The following TRIM26 variants were observed in gnomAD, a reference collection of about 807,000 sequenced individuals.
The protein encoded by TRIM26 is tripartite motif containing 26, also known as tripartite motif-containing protein 26.
Under a neutral mutation model 45.5 loss-of-function variants are expected in TRIM26, and 16 were observed. The observed-to-expected ratio is 0.35, with a 90% CI of 0.24 to 0.53. The LOEUF (loss-of-function observed/expected upper bound fraction) is 0.53. Ranked by LOEUF, TRIM26 falls within the 20% of genes least tolerant of loss-of-function variation. The pLI is 0.92. For synonymous variants in TRIM26, 273 were observed against 290.4 expected (o/e 0.94, Z 0.61); for missense variants, 442 against 691.1 (o/e 0.64, Z 4.04).
chr6:30,208,709 C>A (rs1777967722), intron 1 of TRIM26, among the ~76,000 whole-genome samples: 1 of 152,092 alleles, frequency 6.6e-6, no homozygotes, highest in African/African-American at 2.4e-5. Context: ...GTGAATATTT[C>A]TGCATACATG....
Position 30,190,433 on chromosome 6 carries a change from C to T in TRIM26, c.766-398G>A, listed in dbSNP as rs1164468651. 5 of 248,998 alleles carry T rather than the reference C, an allele frequency of 2.0e-5. No individual in the cohort carries two copies. Among genetic ancestry groups the T allele is most frequent in the African/African-American group, 1.1e-4 (5 of 45,788 alleles). 15.4% of individuals were successfully genotyped at this position (248,998 alleles called of 1,614,324 possible). A position where few individuals can be genotyped will look rare whatever the true frequency, so the allele number is the denominator to read the frequency against. On this transcript the variant is annotated intron_variant, in intron 6 of 9. Coordinates refer to ENST00000454678, the MANE Select transcript of TRIM26 (RefSeq NM_003449.5). This position sits in a 1 kb window ranked among gnomAD's most constrained non-coding sequence, Gnocchi z 4.3. ...CTTTTGCTCCACGTACAGTGGAAAC[C>T]CACCAAGGGTTTCAAGTAGGGGCAT...
Position 30,186,533 on chromosome 6 carries a change from C to G in TRIM26, c.963G>C (p.Ser321=). The stretch of plus-strand genomic sequence containing the variant: ...CTGACAGCTGCAGGTACCCACTGGC[C>G]GACTGTGGGTCCAGGGTGACGCTCA... ...KTVSVTLDPQ[S]ASGYLQLSED... The change falls in exon 10 of 10, where the codon TCG becomes TCC. Residue 321 remains serine, a synonymous_variant. Transcript: ENST00000454678. The surrounding 1 kb of genome is among the most constrained non-coding windows in gnomAD (Gnocchi z 7.4). 2 of 1,519,586 alleles carry G rather than the reference C, an allele frequency of 1.3e-6. No individual in the cohort carries two copies. Among genetic ancestry groups the G allele is most frequent in the Non-Finnish European group, 8.8e-7 (1 of 1,137,196 alleles). The allele number at this position is 1,519,586 out of a possible 1,614,324, so 94.1% of individuals were successfully genotyped here. A position where few individuals can be genotyped will look rare whatever the true frequency, so the allele number is the denominator to read the frequency against.
Position 30,190,295 on chromosome 6 carries a change from C to T in TRIM26, c.766-260G>A, listed in dbSNP as rs774766836. Reference sequence around the variant, plus strand: ...GGGAGATACCTGCGCAGAGAATTGACGGATAAGAAGTACTGGCCGGATGAA... The same window carrying T: ...GGGAGATACCTGCGCAGAGAATTGATGGATAAGAAGTACTGGCCGGATGAA... On this transcript the variant is annotated intron_variant, in intron 6 of 9. Transcript: ENST00000454678. This position sits in a 1 kb window ranked among gnomAD's most constrained non-coding sequence, Gnocchi z 4.3. 39 of 573,278 alleles carry T rather than the reference C, an allele frequency of 6.8e-5. 1 individual carries two copies. The highest frequency in any genetic ancestry group is 1.1e-4 in the Non-Finnish European group (34 of 321,600). 35.5% of individuals were successfully genotyped at this position (573,278 alleles called of 1,614,324 possible). A position where few individuals can be genotyped will look rare whatever the true frequency, so the allele number is the denominator to read the frequency against.
At chr6:30,206,499 G>A (rs1777739822) in intron 1 of TRIM26, among the ~76,000 whole-genome samples, 1 of 152,252 alleles carries the variant, frequency 6.6e-6, no homozygotes, top group South Asian at 2.1e-4. Context: ...AATTGCCCTG[G>A]TCTTGTGGCT....
In TRIM26 at chr6:30,204,780, A is replaced by G. The variant is rs1777555144; in HGVS notation, c.-375-15T>C. On this transcript the variant is annotated splice_polypyrimidine_tract_variant and intron_variant, in intron 1 of 9. Coordinates refer to ENST00000454678, the MANE Select transcript of TRIM26 (RefSeq NM_003449.5). ...ATTCCTGACTCCTGGGCAGACAGAA[A>G]CCAAAATCAGAGCCAAAAAAAAAAA... 6.8e-6 allele frequency: 1 copy of G among 146,962 alleles called. No homozygotes were observed. Among genetic ancestry groups the G allele is most frequent in the Non-Finnish European group, 1.5e-5 (1 of 66,982 alleles). 9.1% of individuals were successfully genotyped at this position (146,962 alleles called of 1,614,324 possible).
intron 1 of TRIM26, among the ~76,000 whole-genome samples, chr6:30,212,110 G>A (rs1778346421): frequency 1.3e-5 from 2 of 152,176 alleles, no homozygotes; most frequent in South Asian, 4.1e-4. Context: ...GATACGATGG[G>A]ATGATAATGG....
At chr6:30,197,088 G>C (rs1195565674) in intron 5 of TRIM26, among the ~76,000 whole-genome samples, 1 of 152,008 alleles carries the variant, frequency 6.6e-6, no homozygotes, top group African/African-American at 2.4e-5. Flanking sequence ...TTTCCCTCCT[G>C]GACAAAATCT....
chr6:30,211,979 T>C (rs143194635), intron 1 of TRIM26, among the ~76,000 whole-genome samples: 13 of 152,346 alleles, frequency 8.5e-5, no homozygotes, highest in African/African-American at 2.4e-4. Context: ...GTGACTTCCT[T>C]CTAAAGAGGA....
At chr6:30,199,677 C>A (rs1294634621) in intron 3 of TRIM26, among the ~76,000 whole-genome samples, 2 of 150,516 alleles carry the variant, frequency 1.3e-5, no homozygotes, top group Non-Finnish European at 3.0e-5. Flanking sequence ...TACTCTGTCG[C>A]CCAGGCTGGA....
Position 30,198,368 on chromosome 6 carries a change from A to C in TRIM26, c.534+61T>G. The C allele has an allele frequency of 1.9e-6, 3 of 1,590,112 alleles. No homozygotes were observed. The highest frequency in any genetic ancestry group is 1.7e-5 in the Admixed American group (1 of 59,568). On this transcript the variant is annotated intron_variant, in intron 5 of 9. Transcript: ENST00000454678. This position sits in a 1 kb window ranked among gnomAD's most constrained non-coding sequence, Gnocchi z 6.3. ...CCTCCCAGCTGCCGCCTACTTGCCC[A>C]GGCTCACCCTGCCCTACACGGGCGC...
At chr6:30,210,982 A>G (rs1778231269) in intron 1 of TRIM26, among the ~76,000 whole-genome samples, 2 of 152,192 alleles carry the variant, frequency 1.3e-5, no homozygotes, top group Non-Finnish European at 2.9e-5. Flanking sequence ...GCTGTAATTG[A>G]TATTTTTATC....
At position 30,190,125 on chromosome 6, in the gene TRIM26, A is replaced by G. The variant is rs1775668848; in HGVS notation, c.766-90T>C. 7 of 1,408,118 alleles carry G rather than the reference A, an allele frequency of 5.0e-6. No homozygotes were observed. Among genetic ancestry groups the G allele is most frequent in the South Asian group, 2.4e-5 (2 of 84,562 alleles). 87.2% of individuals were successfully genotyped at this position (1,408,118 alleles called of 1,614,324 possible). A position where few individuals can be genotyped will look rare whatever the true frequency, so the allele number is the denominator to read the frequency against. ...CCCAACACTGTAGCAGAGATGGGAC[A>G]TATCAGTGAACAAAACAAATGTGGT... On this transcript the variant is annotated intron_variant, in intron 6 of 9. Transcript: ENST00000454678. The surrounding 1 kb of genome is among the most constrained non-coding windows in gnomAD (Gnocchi z 4.3).
intron 6 of TRIM26, among the ~76,000 whole-genome samples, chr6:30,192,797 T>A (rs1230470653): frequency 6.6e-6 from 1 of 152,030 alleles, no homozygotes; most frequent in Non-Finnish European, 1.5e-5. Context: ...AGCTGTCCAG[T>A]TCCCACGCAG....
Position 30,184,838 on chromosome 6 carries a change from T to A in TRIM26, c.*1038A>T, listed in dbSNP as rs1581637201. ...GAGGGGCACCTGGACAGAGGTTGGG[T>A]CCGTGGGCAATGAGAAGACATGTTA... On this transcript the variant is annotated 3_prime_UTR_variant, in exon 10 of 10. Coordinates refer to ENST00000454678, the MANE Select transcript of TRIM26 (RefSeq NM_003449.5). 1 of 152,928 alleles carries A rather than the reference T, an allele frequency of 6.5e-6. No homozygotes were observed. Among genetic ancestry groups the A allele is most frequent in the Non-Finnish European group, 1.5e-5 (1 of 68,196 alleles). 9.5% of individuals were successfully genotyped at this position (152,928 alleles called of 1,614,324 possible). A position where few individuals can be genotyped will look rare whatever the true frequency, so the allele number is the denominator to read the frequency against.
At chr6:30,199,627 GT>G (rs34431619) in intron 3 of TRIM26, among the ~76,000 whole-genome samples, 16,876 of 140,726 alleles carry the variant, frequency 0.12, 1,084 homozygotes, top group South Asian at 0.15. Flanking sequence ...GAGACCGCCC[GT>G]TTTTTTTTTT....
intron 6 of TRIM26, among the ~76,000 whole-genome samples, chr6:30,195,251 C>T (rs547961649): frequency 1.2e-4 from 18 of 151,978 alleles, no homozygotes; most frequent in Admixed American, 5.2e-4. Context: ...ATGGCAGGGG[C>T]GTGAGGAGAG....
In TRIM26 at chr6:30,212,194, GA is replaced by G. The variant is rs147348116; in HGVS notation, c.-376+1110del. On this transcript the variant is annotated intron_variant, in intron 1 of 9. Transcript: ENST00000454678. ...AGGAGAAAAACATCAAATTCCAATA[GA>G]GGGGCATCCTACAACATACACGACC... 3.0e-3 allele frequency among the ~76,000 whole-genome samples: 459 copies of G among 152,282 alleles called. 3 individuals are homozygous for G. The highest frequency in any genetic ancestry group is 7.9e-3 in the African/African-American group (329 of 41,570).
In TRIM26 at chr6:30,190,235, C is replaced by G. The variant is rs940690228; in HGVS notation, c.766-200G>C. 5 of 629,618 alleles carry G rather than the reference C, an allele frequency of 7.9e-6. No individual in the cohort carries two copies. In the Admixed American group the frequency reaches 1.3e-4, roughly 17 times the overall value. The allele number at this position is 629,618 out of a possible 1,614,324, so 39.0% of individuals were successfully genotyped here. A position where few individuals can be genotyped will look rare whatever the true frequency, so the allele number is the denominator to read the frequency against. ...ACAAAATCGGCACAATGACAGAAGC[C>G]ACAATGGCTGGGAGATGACATGGGC... On this transcript the variant is annotated intron_variant, in intron 6 of 9. Transcript: ENST00000454678. The surrounding 1 kb of genome is among the most constrained non-coding windows in gnomAD (Gnocchi z 4.3).
chr6:30,200,798 T>C (rs1316325646), intron 3 of TRIM26, among the ~76,000 whole-genome samples: 3 of 152,132 alleles, frequency 2.0e-5, no homozygotes, highest in Non-Finnish European at 4.4e-5. Flanking sequence ...ATACTTACCT[T>C]TAAGGGTTTC....
Sources: gnomAD v4.1 joint callset for allele counts (sites outside exome capture counted in the v4.1 genomes callset) on GRCh38, gnomAD v4.1.1 for gene constraint, Gnocchi (gnomAD v3.1) non-coding constraint, MANE v1.5 for transcripts, NCBI Gene and HGNC (gene_info 2026-07-23, HGNC 2026-07-21) for gene names.